The following RNF150 variants were observed in gnomAD, a reference collection of about 807,000 sequenced individuals.
RNF150 encodes ring finger protein 150.
RNF150 carries 24 observed loss-of-function variants against 39.3 expected under a neutral mutation model. The observed-to-expected ratio is 0.61, with a 90% CI of 0.44 to 0.86. The LOEUF is 0.86. Ranked by LOEUF, RNF150 falls within the 40% of genes least tolerant of loss-of-function variation. The probability of loss-of-function intolerance (pLI) is 0.00; values close to 1 mark genes in which losing one functional copy is unlikely to be tolerated. For synonymous variants in RNF150, 255 were observed against 227.3 expected (o/e 1.12, Z -1.10); for missense variants, 502 against 587.8 (o/e 0.85, Z 1.51).
chr4:140,953,147 T>C (rs1007049084), intron 2 of RNF150, among the ~76,000 whole-genome samples: 1 of 152,238 alleles, frequency 6.6e-6, no homozygotes, highest in African/African-American at 2.4e-5. Flanking sequence ...AACGTAGTTA[T>C]GCAGTGCATG....
At chr4:140,979,068 C>T (rs1733766621) in intron 1 of RNF150, among the ~76,000 whole-genome samples, 1 of 152,054 alleles carries the variant, frequency 6.6e-6, no homozygotes, top group African/African-American at 2.4e-5. Flanking sequence ...CCAAAATCTG[C>T]CCATACTCAG....
chr4:140,918,466 C>T (rs1730945456), intron 5 of RNF150, among the ~76,000 whole-genome samples: 1 of 152,180 alleles, frequency 6.6e-6, no homozygotes, highest in African/African-American at 2.4e-5. Flanking sequence ...CACATACACC[C>T]TCCTAAGGAC....
chr4:140,912,078 C>T (rs551194706), intron 5 of RNF150, among the ~76,000 whole-genome samples: 4 of 152,316 alleles, frequency 2.6e-5, no homozygotes, highest in African/African-American at 9.6e-5. Context: ...TTGACAGCTT[C>T]CCTTGAAGAA....
intron 1 of RNF150, among the ~76,000 whole-genome samples, chr4:141,079,223 G>A (rs961213131): frequency 3.9e-5 from 6 of 152,132 alleles, no homozygotes; most frequent in Non-Finnish European, 5.9e-5. Flanking sequence ...GGCTAAGAAT[G>A]TTGGCTTTCT....
At chr4:141,122,637 T>C (rs543888503) in intron 1 of RNF150, among the ~76,000 whole-genome samples, 1 of 152,332 alleles carries the variant, frequency 6.6e-6, no homozygotes, top group African/African-American at 2.4e-5. Context: ...GCACTGTTTA[T>C]GTAAGAGAAA....
intron 1 of RNF150, among the ~76,000 whole-genome samples, chr4:141,115,093 T>C (rs1739506758): frequency 6.6e-6 from 1 of 152,134 alleles, no homozygotes; most frequent in Admixed American, 6.6e-5. Flanking sequence ...AAGACAAGGA[T>C]GCCTTTTCTC....
At chr4:140,995,977 T>G (rs1030615519) in intron 1 of RNF150, among the ~76,000 whole-genome samples, 6 of 152,052 alleles carry the variant, frequency 3.9e-5, no homozygotes, top group Non-Finnish European at 8.8e-5. Flanking sequence ...TTTCCTTTTT[T>G]GGGGGGGTAT....
chr4:140,966,756 T>C (rs1389142330), intron 2 of RNF150, among the ~76,000 whole-genome samples: 1 of 152,170 alleles, frequency 6.6e-6, no homozygotes, highest in African/African-American at 2.4e-5. Flanking sequence ...GTTCAACATT[T>C]TTTGGCAGAC....
At chr4:141,035,367 T>C (rs1184363064) in intron 1 of RNF150, among the ~76,000 whole-genome samples, 1 of 152,282 alleles carries the variant, frequency 6.6e-6, no homozygotes. Context: ...TTCACAGCCT[T>C]CAACATCAGG....
upstream of RNF150, among the ~76,000 whole-genome samples, chr4:141,136,378 C>A (rs1355814509): frequency 6.6e-6 from 1 of 152,154 alleles, no homozygotes. Flanking sequence ...TTATCTATGA[C>A]ATATTGGTTT....
intron 1 of RNF150, among the ~76,000 whole-genome samples, chr4:141,037,608 A>G (rs1274511954): frequency 6.6e-6 from 1 of 152,140 alleles, no homozygotes; most frequent in African/African-American, 2.4e-5. Context: ...TCATTGTGTA[A>G]ACAGAAGCCT....
At chr4:140,993,361 C>T (rs2111483920) in intron 1 of RNF150, among the ~76,000 whole-genome samples, 1 of 152,298 alleles carries the variant, frequency 6.6e-6, no homozygotes, top group African/African-American at 2.4e-5. Flanking sequence ...TTATACGGAT[C>T]CTTATAATTA....
chr4:141,135,964 G>A (rs942894084), upstream of RNF150, among the ~76,000 whole-genome samples: 13 of 152,194 alleles, frequency 8.5e-5, no homozygotes, highest in Non-Finnish European at 1.8e-4. Context: ...AACAATACAC[G>A]GCATGGTCTA....
At chr4:141,158,272 C>T (rs1727449511) in intron 1 of RNF150, among the ~76,000 whole-genome samples, 1 of 152,128 alleles carries the variant, frequency 6.6e-6, no homozygotes, top group Non-Finnish European at 1.5e-5. Context: ...GCCTGAGTGA[C>T]AGAGCAAAAT....
At chr4:141,122,042 G>A (rs918689548) in intron 1 of RNF150, among the ~76,000 whole-genome samples, 11 of 152,096 alleles carry the variant, frequency 7.2e-5, no homozygotes, top group Non-Finnish European at 1.3e-4. Context: ...TCAGGGTGGA[G>A]ATCACTGATC....
intron 1 of RNF150, among the ~76,000 whole-genome samples, chr4:141,203,582 A>C (rs1299645450): frequency 1.3e-5 from 2 of 151,972 alleles, no homozygotes; most frequent in Non-Finnish European, 2.9e-5. Flanking sequence ...CCCCAAAGGC[A>C]CCAGGTCTGG....
At chr4:141,012,853 T>C (rs1735126682) in intron 1 of RNF150, among the ~76,000 whole-genome samples, 1 of 139,518 alleles carries the variant, frequency 7.2e-6, no homozygotes, top group Non-Finnish European at 1.5e-5. Flanking sequence ...CAATTGCCAA[T>C]ATGCTTCCTG....
chr4:141,164,215 T>A (rs1727562657), intron 1 of RNF150, among the ~76,000 whole-genome samples: 1 of 149,028 alleles, frequency 6.7e-6, no homozygotes, highest in African/African-American at 2.5e-5. Context: ...AGATTAAAGA[T>A]CAATTTAATG....
chr4:141,119,288 A>G (rs941663324), intron 1 of RNF150, among the ~76,000 whole-genome samples: 1 of 152,140 alleles, frequency 6.6e-6, no homozygotes, highest in African/African-American at 2.4e-5. Context: ...TGGCCCACTG[A>G]TTTTAAATTC....
Sources: gnomAD v4.1 joint callset for allele counts (sites outside exome capture counted in the v4.1 genomes callset) on GRCh38, gnomAD v4.1.1 for gene constraint, MANE v1.5 for transcripts, NCBI Gene and HGNC (gene_info 2026-07-23, HGNC 2026-07-21) for gene names.